Variants in JAM3 observed in about 807,000 individuals in gnomAD.
JAM3 encodes the protein junctional adhesion molecule 3, also known as junctional adhesion molecule C.
JAM3 carries 31 observed loss-of-function variants against 39.4 expected under a neutral mutation model. That is an observed-to-expected ratio of 0.79 (90% CI 0.59 to 1.06). The LOEUF is 1.06. JAM3 is among the 50% of genes least tolerant of loss of function. The probability of loss-of-function intolerance (pLI) is 0.00; values close to 1 mark genes in which losing one functional copy is unlikely to be tolerated. For missense variants in JAM3, 455 were observed against 391.4 expected (o/e 1.16, Z -1.37); for synonymous variants, 182 against 148.7 (o/e 1.22, Z -1.63).
At chr11:134,100,929 GAAGTA>G (rs1373583682) in intron 1 of JAM3, among the ~76,000 whole-genome samples, 2 of 152,112 alleles carry the variant, frequency 1.3e-5, no homozygotes, top group Admixed American at 6.5e-5. Context: ...AAAAGTGAAT[GAAGTA>G]AAGTTAACTA....
At chr11:134,148,310 G>T (rs998491303) in intron 6 of JAM3, 4 of 571,876 alleles carry the variant, frequency 7.0e-6, no homozygotes, top group Admixed American at 3.0e-5. Context: ...TTTTCAGTGC[G>T]ACTGCATTTC....
At chr11:134,146,465 GTTA>G (rs975490498) in intron 6 of JAM3, among the ~76,000 whole-genome samples, 11 of 152,062 alleles carry the variant, frequency 7.2e-5, no homozygotes, top group African/African-American at 2.7e-4. Flanking sequence ...CTAGAGTAAT[GTTA>G]TCTCAGGGCT....
At chr11:134,146,225 A>C (rs554553258) in intron 6 of JAM3, among the ~76,000 whole-genome samples, 180 bp downstream of exon 6, 9 of 152,342 alleles carry the variant, frequency 5.9e-5, no homozygotes, top group Admixed American at 1.3e-4. Context: ...AACCGAGTCC[A>C]GATAAGCAGG....
chr11:134,104,853 G>A (rs909845862), intron 1 of JAM3, among the ~76,000 whole-genome samples: 4 of 152,038 alleles, frequency 2.6e-5, no homozygotes, highest in African/African-American at 9.7e-5. Flanking sequence ...TGAAATTGAG[G>A]CAATAATTAA....
intron 1 of JAM3, among the ~76,000 whole-genome samples, chr11:134,106,009 C>A (rs537466986): frequency 1.8e-3 from 271 of 152,116 alleles, no homozygotes; most frequent in Middle Eastern, 0.01. Context: ...TTTAAAGTTC[C>A]TATGGAACCA....
chr11:134,085,731 G>C (rs754249722), intron 1 of JAM3, among the ~76,000 whole-genome samples: 7 of 152,186 alleles, frequency 4.6e-5, no homozygotes, highest in Non-Finnish European at 1.0e-4. Context: ...TCTGCGACTT[G>C]AGGACGGGAA....
At chr11:134,148,340 C>G (rs1476038078) in intron 6 of JAM3, 1 of 619,736 alleles carries the variant, frequency 1.6e-6, no homozygotes, top group African/African-American at 1.8e-5. Context: ...AGTCTCAGTA[C>G]TTTTCACGTG....
intron 2 of JAM3, 101 bp from the exon 3 acceptor site, chr11:134,140,556 C>A: frequency 1.1e-6 from 1 of 935,528 alleles, no homozygotes; most frequent in Non-Finnish European, 1.8e-6. Flanking sequence ...TTTTAATCTG[C>A]ATGAAAGGCC....
intron 1 of JAM3, among the ~76,000 whole-genome samples, chr11:134,130,002 CAA>C (rs537381988): frequency 7.0e-6 from 1 of 142,790 alleles, no homozygotes; most frequent in South Asian, 2.3e-4. Context: ...ATTCTGTCTC[CAA>C]AAAAAAAAGT....
chr11:134,123,978 A>G lies in JAM3; in HGVS notation c.77-15873A>G, dbSNP rs774878792. The G allele has an allele frequency of 1.3e-5, 19 of 1,514,688 alleles. No homozygotes were observed. The African/African-American group carries it at 1.6e-4, about 13-fold the overall frequency. 93.8% of individuals were successfully genotyped at this position (1,514,688 alleles called of 1,614,324 possible). ...ATCTTCGTACTTCATTCCATATTCA[A>G]TCAAAGCAAGTGCAACCAGCACAGG... On this transcript the variant is annotated intron_variant, in intron 1 of 8. Transcript: ENST00000299106.
intron 1 of JAM3, 29 bp from the exon 2 acceptor site, chr11:134,139,822 C>A (rs1396549764): frequency 6.3e-7 from 1 of 1,586,624 alleles, no homozygotes; most frequent in East Asian, 2.2e-5. Context: ...GATACATTGT[C>A]TCTGATTTTA....
intron 1 of JAM3, among the ~76,000 whole-genome samples, chr11:134,123,524 T>C (rs1239781197): frequency 6.6e-6 from 1 of 152,236 alleles, no homozygotes; most frequent in Non-Finnish European, 1.5e-5. Context: ...TGAAAAAGTT[T>C]AAAAAGACAG....
At chr11:134,140,002 C>G in intron 2 of JAM3, 86 bp downstream of exon 2, 1 of 1,062,260 alleles carries the variant, frequency 9.4e-7, no homozygotes, top group South Asian at 1.3e-5. Context: ...ACATCTGTCT[C>G]TGTAAGTGTG....
rs180801589 is a variant in JAM3, at chr11:134,104,636, G to T, written c.77-35215G>T. 2.3e-3 allele frequency among the ~76,000 whole-genome samples: 342 copies of T among 151,810 alleles called. 1 individual carries two copies. The highest frequency in any genetic ancestry group is 8.1e-3 in the African/African-American group (335 of 41,398). On this transcript the variant is annotated intron_variant, in intron 1 of 8. Coordinates refer to ENST00000299106, the MANE Select transcript of JAM3 (RefSeq NM_032801.5). Reference sequence around the variant, plus strand: ...GCAAGACTAATAAGAAAAGAGAGAAGAATCAAATAGATGCAATAAAAAATG... The same window carrying T: ...GCAAGACTAATAAGAAAAGAGAGAATAATCAAATAGATGCAATAAAAAATG...
chr11:134,084,939 A>C (rs1402497583), intron 1 of JAM3, among the ~76,000 whole-genome samples: 1 of 151,592 alleles, frequency 6.6e-6, no homozygotes, highest in Non-Finnish European at 1.5e-5. Flanking sequence ...AATTGGGTAC[A>C]TATTCAGTTT....
At chr11:134,085,259 A>T (rs1941729318) in intron 1 of JAM3, among the ~76,000 whole-genome samples, 1 of 152,196 alleles carries the variant, frequency 6.6e-6, no homozygotes, top group Admixed American at 6.6e-5. Flanking sequence ...ACTCTGCATG[A>T]TTTGCAATAA....
chr11:134,135,393 G>C (rs993098054), intron 1 of JAM3, among the ~76,000 whole-genome samples: 1 of 152,110 alleles, frequency 6.6e-6, no homozygotes, highest in Non-Finnish European at 1.5e-5. Flanking sequence ...TTTATGCTGT[G>C]GGGGGACCCC....
At chr11:134,091,456 C>T (rs907053082) in intron 1 of JAM3, among the ~76,000 whole-genome samples, 1 of 151,832 alleles carries the variant, frequency 6.6e-6, no homozygotes, top group African/African-American at 2.4e-5. Context: ...CCGAGATCGT[C>T]CCACTGCACT....
intron 1 of JAM3, among the ~76,000 whole-genome samples, chr11:134,118,436 A>G (rs893521827): frequency 5.9e-5 from 9 of 152,204 alleles, no homozygotes; most frequent in Admixed American, 3.3e-4. Context: ...GTACAGTTCC[A>G]TCTCCTTTGC....
Sources: allele counts gnomAD v4.1 joint callset (sites outside exome capture counted in the v4.1 genomes callset), GRCh38; gene constraint gnomAD v4.1.1; transcripts MANE v1.5; gene names NCBI Gene and HGNC (gene_info 2026-07-23, HGNC 2026-07-21).